Variants in ABCC1 observed in about 807,000 individuals in gnomAD.
ABCC1 encodes multidrug resistance-associated protein 1.
A neutral mutation model predicts 172.9 loss-of-function variants in ABCC1; 83 were observed. That is an observed-to-expected ratio of 0.48 (90% CI 0.40 to 0.58). ABCC1 has a LOEUF of 0.58. ABCC1 is among the 20% of genes least tolerant of loss of function. ABCC1 has a pLI of 0.00. For synonymous variants in ABCC1, 937 were observed against 825.2 expected, an observed-to-expected ratio of 1.14 and a Z score of -2.32; for missense variants, 1,817 against 2,002.7, an observed-to-expected ratio of 0.91 and a Z score of 1.77.
chr16:15,961,771 CT>C (rs4148334), intron 1 of ABCC1, among the ~76,000 whole-genome samples: 3,522 of 129,178 alleles, frequency 0.027, 98 homozygotes, highest in African/African-American at 0.077. Flanking sequence ...ATCAAATCAA[CT>C]TTTTTTTTTT....
intron 22 of ABCC1, 139 bp from the exon 23 acceptor site, chr16:16,114,627 C>T: frequency 2.3e-6 from 2 of 853,920 alleles, no homozygotes; most frequent in Non-Finnish European, 3.5e-6. Context: ...AGGTGTGAGC[C>T]ACCATGCCTG....
At chr16:15,994,437 G>A (rs896703820) in intron 1 of ABCC1, among the ~76,000 whole-genome samples, 1 of 152,178 alleles carries the variant, frequency 6.6e-6, no homozygotes, top group Non-Finnish European at 1.5e-5. Context: ...TTGTAGGGCT[G>A]TTGGAAAGCT....
At chr16:15,986,442 T>A (rs2046745972) in intron 1 of ABCC1, among the ~76,000 whole-genome samples, 1 of 152,126 alleles carries the variant, frequency 6.6e-6, no homozygotes, top group Non-Finnish European at 1.5e-5. Context: ...CCACCTGAAT[T>A]CCACCTCCTG....
At chr16:16,076,996 C>G (rs1333212965) in intron 15 of ABCC1, among the ~76,000 whole-genome samples, 1 of 152,188 alleles carries the variant, frequency 6.6e-6, no homozygotes, top group Admixed American at 6.6e-5. Context: ...TGCCCCTCAG[C>G]TGCCCAGCTC....
Position 16,102,580 on chromosome 16 carries a change from T to A in ABCC1, c.2645-47T>A, listed in dbSNP as rs533400771. Reference sequence around the variant, plus strand: ...GTTTTTGTTGCCCTTGGTTTTAGCATCTGCCTCATATAACCCCACTTGCCC... The same window carrying A: ...GTTTTTGTTGCCCTTGGTTTTAGCAACTGCCTCATATAACCCCACTTGCCC... On this transcript the variant is annotated intron_variant, in intron 19 of 30. Transcript: ENST00000399410. 4 of 1,537,766 alleles carry A rather than the reference T, an allele frequency of 2.6e-6. No homozygotes were observed. The Admixed American group carries it at 7.8e-5, about 30-fold the overall frequency.
chr16:16,120,355 G>T (rs1020529449), intron 23 of ABCC1, among the ~76,000 whole-genome samples: 2 of 152,208 alleles, frequency 1.3e-5, no homozygotes, highest in Non-Finnish European at 2.9e-5. Flanking sequence ...GGCTAGGAGA[G>T]CGCAGTGTCC....
intron 9 of ABCC1, among the ~76,000 whole-genome samples, chr16:16,046,358 T>C (rs556472978): frequency 3.3e-5 from 5 of 152,190 alleles, no homozygotes; most frequent in African/African-American, 1.2e-4. Context: ...TTTTTTCGTT[T>C]TTTTGAGACC....
At chr16:16,057,385 G>A (rs1387960164) in intron 12 of ABCC1, among the ~76,000 whole-genome samples, 1 of 150,012 alleles carries the variant, frequency 6.7e-6, no homozygotes, top group Non-Finnish European at 1.5e-5. Flanking sequence ...AAAAAAATAA[G>A]TAAAATAAAA....
At position 16,116,804 on chromosome 16, in the gene ABCC1, C is replaced by T. The variant is rs190869692; in HGVS notation, c.3390+1728C>T. Among the ~76,000 whole-genome samples, 1,305 of 152,302 alleles carry T rather than the reference C, an allele frequency of 8.6e-3. 5 individuals carry two copies. Among genetic ancestry groups the T allele is most frequent in the Non-Finnish European group, 0.014 (936 of 68,018 alleles). ...CAAACTCCTGACGTCAAGTGATCCG[C>T]CCGCCTCAGCCTGCCAAAGTGCTGG... On this transcript the variant is annotated intron_variant, in intron 23 of 30. Coordinates refer to ENST00000399410, the MANE Select transcript of ABCC1 (RefSeq NM_004996.4).
chr16:15,998,235 C>G (rs1265593462), intron 1 of ABCC1, among the ~76,000 whole-genome samples: 7 of 152,166 alleles, frequency 4.6e-5, no homozygotes, highest in Non-Finnish European at 8.8e-5. Context: ...AAAGATCCTC[C>G]CACTTCAGCC....
chr16:16,068,993 T>TA (rs35133979), intron 13 of ABCC1, among the ~76,000 whole-genome samples: 18,303 of 124,078 alleles, frequency 0.15, 1,183 homozygotes, highest in Middle Eastern at 0.31. Flanking sequence ...GTCTCAAAAT[T>TA]AAAAAAAAAA....
At chr16:16,098,444 C>A (rs959338932) in intron 19 of ABCC1, among the ~76,000 whole-genome samples, 2 of 152,198 alleles carry the variant, frequency 1.3e-5, no homozygotes, top group Non-Finnish European at 2.9e-5. Context: ...CATGGCAAAA[C>A]CCCGTCTCTA....
intron 21 of ABCC1, among the ~76,000 whole-genome samples, chr16:16,109,073 C>T (rs1396255846): frequency 2.6e-5 from 4 of 152,180 alleles, no homozygotes; most frequent in Non-Finnish European, 5.9e-5. Flanking sequence ...TTTCATTTTC[C>T]AGAATGGGGA....
At chr16:16,071,260 A>AT (rs55691800) in intron 13 of ABCC1, among the ~76,000 whole-genome samples, 3,405 of 130,642 alleles carry the variant, frequency 0.026, 61 homozygotes, top group Middle Eastern at 0.059. Flanking sequence ...AATTTTATGT[A>AT]TTTTTTTTTT....
At position 16,125,791 on chromosome 16, in the gene ABCC1, G is replaced by A. The variant is rs372960743; in HGVS notation, c.3718-19G>A. 1.8e-5 allele frequency: 29 copies of A among 1,583,856 alleles called. No individual in the cohort carries two copies. Among genetic ancestry groups the A allele is most frequent in the Non-Finnish European group, 2.2e-5 (26 of 1,157,298 alleles). On this transcript the variant is annotated intron_variant, in intron 25 of 30. Transcript: ENST00000399410. ...CGCCCGCTTACTCTAGAAATGCCAC[G>A]TGACTCTTCCACTCACAGGTCACCA...
intron 1 of ABCC1, among the ~76,000 whole-genome samples, chr16:16,005,957 G>A (rs2047514813): frequency 6.7e-6 from 1 of 149,854 alleles, no homozygotes; most frequent in African/African-American, 2.5e-5. Context: ...TCATGCCACT[G>A]CATTCCAGTC....
At chr16:16,136,262 G>A (rs2045913655) in intron 28 of ABCC1, among the ~76,000 whole-genome samples, 1 of 152,092 alleles carries the variant, frequency 6.6e-6, no homozygotes, top group African/African-American at 2.4e-5. Flanking sequence ...GACCTTAAGT[G>A]ATCCACTCGC....
At chr16:16,002,051 T>C (rs767143656) in intron 1 of ABCC1, among the ~76,000 whole-genome samples, 3 of 152,078 alleles carry the variant, frequency 2.0e-5, no homozygotes, top group Non-Finnish European at 2.9e-5. Flanking sequence ...CTTGCTTGAG[T>C]GTGAAATTCA....
Position 16,141,606 on chromosome 16 carries a change from G to C in ABCC1, c.*325G>C. ...TGCTTCCCACGGAGGAGTTTTGGCA[G>C]CCAGACTTCTGGAGGAATTGGTTGT... On this transcript the variant is annotated 3_prime_UTR_variant, in exon 31 of 31. Coordinates refer to ENST00000399410, the MANE Select transcript of ABCC1 (RefSeq NM_004996.4). 3.0e-6 allele frequency: 1 copy of C among 336,816 alleles called. No individual in the cohort carries two copies. 20.9% of individuals were successfully genotyped at this position (336,816 alleles called of 1,614,324 possible). A position where few individuals can be genotyped will look rare whatever the true frequency, so the allele number is the denominator to read the frequency against.
Sources: gnomAD v4.1 joint callset for allele counts (sites outside exome capture counted in the v4.1 genomes callset) on GRCh38, gnomAD v4.1.1 for gene constraint, MANE v1.5 for transcripts, NCBI Gene and HGNC (gene_info 2026-07-23, HGNC 2026-07-21) for gene names.